Variants in MAP3K7CL observed in about 807,000 individuals in gnomAD.
The protein encoded by MAP3K7CL is MAP3K7 C-terminal like.
In MAP3K7CL, 16 loss-of-function variants were observed where a neutral mutation model predicts 18.6. The observed-to-expected ratio is 0.86, with a 90% CI of 0.58 to 1.31. The LOEUF (loss-of-function observed/expected upper bound fraction) is 1.31. Among genes scored for constraint, MAP3K7CL ranks in the 50% most tolerant of loss-of-function variants. The probability of loss-of-function intolerance (pLI) is 0.00; values close to 1 mark genes in which losing one functional copy is unlikely to be tolerated. For synonymous variants in MAP3K7CL, 65 were observed against 66.8 expected (o/e 0.97, Z 0.13); for missense variants, 163 against 174.4 (o/e 0.93, Z 0.37).
intron 4 of MAP3K7CL, among the ~76,000 whole-genome samples, chr21:29,124,574 C>G (rs1445779739): frequency 6.6e-6 from 1 of 152,170 alleles, no homozygotes; most frequent in African/African-American, 2.4e-5. Context: ...CTGAGTTAGT[C>G]CATGCTTGCT....
At chr21:29,115,504 G>GATAA (rs1354787055) in intron 4 of MAP3K7CL, among the ~76,000 whole-genome samples, 12 of 152,308 alleles carry the variant, frequency 7.9e-5, no homozygotes, top group Non-Finnish European at 1.6e-4. Flanking sequence ...AGTGCAGGGG[G>GATAA]CCAGAGTGGT....
rs117651180 is a variant in MAP3K7CL, at chr21:29,169,991, C to T, written c.249-4721C>T. Among the ~76,000 whole-genome samples, 580 of 152,274 alleles carry T rather than the reference C, an allele frequency of 3.8e-3. 9 individuals carry two copies. The East Asian group carries it at 0.064, about 17-fold the overall frequency. ...TCTCTCTAACTGTGGTCTTCTACCC[C>T]CATATTACATTACACTGAAGGAAAC... is the stretch of plus-strand genomic sequence containing the variant. On this transcript the variant is annotated intron_variant, in intron 4 of 4. Coordinates refer to ENST00000399928, the MANE Select transcript of MAP3K7CL (RefSeq NM_001286620.2).
upstream of MAP3K7CL, among the ~76,000 whole-genome samples, chr21:29,080,996 T>C (rs1259020801): frequency 1.3e-5 from 2 of 152,120 alleles, no homozygotes; most frequent in African/African-American, 4.8e-5. Context: ...AATATTTTAC[T>C]TTTTAAAATT....
At chr21:29,101,671 G>C (rs1159045717) in intron 4 of MAP3K7CL, among the ~76,000 whole-genome samples, 2 of 152,188 alleles carry the variant, frequency 1.3e-5, no homozygotes, top group African/African-American at 2.4e-5. Flanking sequence ...GCCTCCCGAA[G>C]TGCTGGGATT....
intron 4 of MAP3K7CL, among the ~76,000 whole-genome samples, chr21:29,093,586 A>G (rs2086067920): frequency 1.3e-5 from 2 of 151,770 alleles, no homozygotes; most frequent in Non-Finnish European, 2.9e-5. Context: ...GGTTCACGCC[A>G]TTCCCCTGCC....
upstream of MAP3K7CL, among the ~76,000 whole-genome samples, chr21:29,084,781 C>A (rs563996186): frequency 6.6e-6 from 1 of 152,336 alleles, no homozygotes; most frequent in South Asian, 2.1e-4. Context: ...TACCAAAAAT[C>A]CTTCCAAAAG....
intron 4 of MAP3K7CL, chr21:29,109,447 T>C (rs1453379182): frequency 2.7e-5 from 32 of 1,203,184 alleles, no homozygotes; most frequent in African/African-American, 3.1e-5. Context: ...GTGAGACTTC[T>C]GGCAAAACCC....
At chr21:29,168,240 C>T (rs957114249) in intron 4 of MAP3K7CL, among the ~76,000 whole-genome samples, 2 of 152,166 alleles carry the variant, frequency 1.3e-5, no homozygotes, top group Admixed American at 6.5e-5. Flanking sequence ...AAAGTTCTAT[C>T]TTCTCTTTCC....
intron 2 of MAP3K7CL, among the ~76,000 whole-genome samples, chr21:29,135,073 A>G (rs1422739352): frequency 6.6e-6 from 1 of 151,414 alleles, no homozygotes; most frequent in African/African-American, 2.4e-5. Flanking sequence ...AAAAAAACAA[A>G]AAACAAACCA....
chr21:29,162,057 C>CA (rs2146731920), intron 4 of MAP3K7CL, among the ~76,000 whole-genome samples: 1 of 152,278 alleles, frequency 6.6e-6, no homozygotes, highest in East Asian at 1.9e-4. Flanking sequence ...TTGGAATACT[C>CA]AGATTGCATG....
At chr21:29,108,961 A>G in intron 4 of MAP3K7CL, 5 of 1,261,034 alleles carry the variant, frequency 4.0e-6, no homozygotes, top group Non-Finnish European at 5.4e-6. Context: ...TACAGTCTTG[A>G]AGGTCAACTT....
intron 2 of MAP3K7CL, among the ~76,000 whole-genome samples, chr21:29,143,651 G>A (rs954642506): frequency 3.3e-5 from 5 of 152,102 alleles, no homozygotes; most frequent in Middle Eastern, 3.4e-3. Flanking sequence ...TCGAACTCCC[G>A]ACCTCAGGTG....
intron 4 of MAP3K7CL, among the ~76,000 whole-genome samples, chr21:29,167,581 A>T (rs960537587): frequency 2.0e-5 from 3 of 151,922 alleles, no homozygotes; most frequent in Admixed American, 1.3e-4. Context: ...TTTCTTTAGG[A>T]TATTCCCAAA....
chr21:29,155,842 T>C (rs886549389), intron 3 of MAP3K7CL, among the ~76,000 whole-genome samples: 2 of 152,062 alleles, frequency 1.3e-5, no homozygotes, highest in African/African-American at 2.4e-5. Flanking sequence ...CTTGGAAACA[T>C]GTGTTTCAAA....
chr21:29,132,306 A>G (rs1209733083), intron 1 of MAP3K7CL, among the ~76,000 whole-genome samples: 1 of 151,882 alleles, frequency 6.6e-6, no homozygotes, highest in African/African-American at 2.4e-5. Flanking sequence ...TTTTCCATTC[A>G]TTCTACCTTA....
chr21:29,121,673 T>A (rs2086596814), intron 4 of MAP3K7CL, among the ~76,000 whole-genome samples: 1 of 152,070 alleles, frequency 6.6e-6, no homozygotes, highest in Non-Finnish European at 1.5e-5. Flanking sequence ...TTGGGATTTT[T>A]AGAAATACTT....
At chr21:29,113,186 T>G (rs2086449146) in intron 4 of MAP3K7CL, among the ~76,000 whole-genome samples, 1 of 152,214 alleles carries the variant, frequency 6.6e-6, no homozygotes, top group Non-Finnish European at 1.5e-5. Context: ...GATATAGGAT[T>G]TTTGGATTGT....
intron 2 of MAP3K7CL, among the ~76,000 whole-genome samples, chr21:29,137,565 C>T (rs1855151043): frequency 6.6e-6 from 1 of 152,056 alleles, no homozygotes; most frequent in South Asian, 2.1e-4. Flanking sequence ...ATCTTGTAAC[C>T]AGTTTTCTTT....
At chr21:29,153,675 C>T (rs2087331213) in intron 3 of MAP3K7CL, among the ~76,000 whole-genome samples, 1 of 152,168 alleles carries the variant, frequency 6.6e-6, no homozygotes, top group Non-Finnish European at 1.5e-5. Flanking sequence ...TCTCAAACTC[C>T]TGTGCTCAAG....
Sources: gnomAD v4.1 joint callset for allele counts (sites outside exome capture counted in the v4.1 genomes callset) on GRCh38, gnomAD v4.1.1 for gene constraint, MANE v1.5 for transcripts, NCBI Gene and HGNC (gene_info 2026-07-23, HGNC 2026-07-21) for gene names.